Variants in SRCIN1 observed in about 807,000 individuals in gnomAD.
SRCIN1 encodes the protein P130Cas-associated protein.
Under a neutral mutation model 116.2 loss-of-function variants are expected in SRCIN1, and 50 were observed. The observed-to-expected ratio is 0.43, with a 90% CI of 0.34 to 0.54. The LOEUF is 0.54. Ranked by LOEUF, SRCIN1 falls within the 20% of genes least tolerant of loss-of-function variation. SRCIN1 has a pLI of 0.02. For missense variants in SRCIN1, 1,446 were observed against 1,672.0 expected (o/e 0.86, Z 2.36); for synonymous variants, 736 against 750.0 (o/e 0.98, Z 0.30).
chr17:38,540,740 GGT>G (rs151164930), intron 18 of SRCIN1, among the ~76,000 whole-genome samples: 11,329 of 145,914 alleles, frequency 0.078, 565 homozygotes, highest in African/African-American at 0.13. Context: ...AGCTGGCAGG[GGT>G]GTGTGTGTGT....
At chr17:38,564,355 C>A (rs1307452603) in intron 3 of SRCIN1, 42 bp from the exon 4 acceptor site, 16 of 1,400,992 alleles carry the variant, frequency 1.1e-5, no homozygotes, top group African/African-American at 4.2e-5. Flanking sequence ...AGGATGAGCA[C>A]CCCCCCTCCC....
chr17:38,577,843 C>G (rs542635923), intron 2 of SRCIN1, among the ~76,000 whole-genome samples: 1 of 152,280 alleles, frequency 6.6e-6, no homozygotes, highest in Admixed American at 6.5e-5. Context: ...GGTCTAGACA[C>G]AGGCGCTGTG....
intron 1 of SRCIN1, 70 bp from the exon 2 acceptor site, chr17:38,578,861 G>A: frequency 7.0e-7 from 1 of 1,422,554 alleles, no homozygotes; most frequent in Non-Finnish European, 9.2e-7. Context: ...CCCCCAAGGG[G>A]GTCCCTGCGG....
chr17:38,587,743 A>T (rs1299960857), intron 1 of SRCIN1, among the ~76,000 whole-genome samples: 3 of 152,150 alleles, frequency 2.0e-5, no homozygotes, highest in African/African-American at 7.2e-5. Context: ...CCCGGCCGAC[A>T]GGGAGAAAAG....
At chr17:38,559,162 G>T in intron 10 of SRCIN1, 1 of 208,098 alleles carries the variant, frequency 4.8e-6, no homozygotes, top group Non-Finnish European at 9.7e-6. Context: ...GAGACTGTTG[G>T]GGCTCAGGAG....
intron 1 of SRCIN1, among the ~76,000 whole-genome samples, chr17:38,597,175 T>G (rs1194770168): frequency 6.6e-6 from 1 of 152,204 alleles, no homozygotes; most frequent in Non-Finnish European, 1.5e-5. Context: ...AAACAGCTGT[T>G]GGGACACGGA....
At chr17:38,574,456 C>T (rs1907276720) in intron 2 of SRCIN1, among the ~76,000 whole-genome samples, 2 of 152,098 alleles carry the variant, frequency 1.3e-5, no homozygotes, top group Admixed American at 1.3e-4. Context: ...TGCAGAACTT[C>T]CTGATGGTGG....
At chr17:38,551,125 G>C (rs1221951238) in intron 15 of SRCIN1, 30 bp downstream of exon 15, 2 of 997,286 alleles carry the variant, frequency 2.0e-6, no homozygotes, top group South Asian at 3.3e-5. Context: ...CCCACGCTGG[G>C]CTCCTTACCA....
intron 17 of SRCIN1, chr17:38,545,010 C>T (rs552997099): frequency 3.6e-4 from 55 of 152,728 alleles, no homozygotes; most frequent in Non-Finnish European, 7.3e-4. Flanking sequence ...TGGCGCCCCA[C>T]GTGGTGCGGC....
rs1413103526 is a variant in SRCIN1, at chr17:38,562,219, C to A, written c.944G>T (p.Gly315Val). The A allele has an allele frequency of 4.2e-6, 6 of 1,440,876 alleles. No individual in the cohort carries two copies. The South Asian group carries it at 5.6e-5, about 14-fold the overall frequency. The allele number at this position is 1,440,876 out of a possible 1,614,324, so 89.3% of individuals were successfully genotyped here. The change falls in exon 7 of 19, where the codon GGG becomes GTG. Residue 315 changes from glycine (G) to valine (V), a missense_variant. Coordinates refer to ENST00000617146, the MANE Select transcript of SRCIN1 (RefSeq NM_025248.3). The surrounding 1 kb of genome is among the most constrained non-coding windows in gnomAD (Gnocchi z 4.2). ...SGSPPPGLPS[G>V]LPSGLQSGSP... is the part of the protein sequence containing the mutation. The stretch of plus-strand genomic sequence containing the variant: ...ACCGGACTGCAGCCCGGACGGCAGC[C>A]CCGACGGCAGCCCGGGCGGCGGCGA...
intron 1 of SRCIN1, among the ~76,000 whole-genome samples, chr17:38,603,563 G>GTCA (rs1474087071): frequency 6.6e-6 from 1 of 152,118 alleles, no homozygotes; most frequent in African/African-American, 2.4e-5. Flanking sequence ...CCAGCCTTGA[G>GTCA]GGTCATCACA....
intron 1 of SRCIN1, among the ~76,000 whole-genome samples, chr17:38,595,763 C>T (rs1908696530): frequency 6.6e-6 from 1 of 152,224 alleles, no homozygotes; most frequent in Non-Finnish European, 1.5e-5. Context: ...TCTCTTCACC[C>T]CAGCCCTAGC....
intron 1 of SRCIN1, among the ~76,000 whole-genome samples, chr17:38,597,102 C>T (rs922628030): frequency 6.6e-6 from 1 of 152,212 alleles, no homozygotes; most frequent in African/African-American, 2.4e-5. Context: ...TCTCAGAGCC[C>T]CCTGCCAATC....
Position 38,544,516 on chromosome 17 carries a change from C to T in SRCIN1, c.3271-547G>A, listed in dbSNP as rs150801755. ...CCGCGGGGCACTGGGGATCCAGAGG[C>T]GCAAGCAGAGAGATGACAGAGACAG... is the stretch of plus-strand genomic sequence containing the variant. On this transcript the variant is annotated intron_variant, in intron 17 of 18. Transcript: ENST00000617146. The surrounding 1 kb of genome is among the most constrained non-coding windows in gnomAD (Gnocchi z 4.5). The T allele has an allele frequency of 2.0e-5, 3 of 152,602 alleles. No individual in the cohort carries two copies. Among genetic ancestry groups the T allele is most frequent in the East Asian group, 1.9e-4 (1 of 5,170 alleles). 9.5% of individuals were successfully genotyped at this position (152,602 alleles called of 1,614,324 possible). A position where few individuals can be genotyped will look rare whatever the true frequency, so the allele number is the denominator to read the frequency against.
At chr17:38,550,433 G>A (rs1159520971) in intron 15 of SRCIN1, among the ~76,000 whole-genome samples, 1 of 152,172 alleles carries the variant, frequency 6.6e-6, no homozygotes, top group Non-Finnish European at 1.5e-5. Flanking sequence ...GGCGGAGCTT[G>A]TAGTGAGCCA....
At chr17:38,606,836 T>C (rs528634757), upstream of SRCIN1, among the ~76,000 whole-genome samples, 162 of 152,324 alleles carry the variant, frequency 1.1e-3, 1 homozygote, top group African/African-American at 3.7e-3. This position sits in a 1 kb window ranked among gnomAD's most constrained non-coding sequence, Gnocchi z 5.2. Flanking sequence ...CACCTCGTGA[T>C]TCCAGCGGCC....
chr17:38,558,816 A>G lies in SRCIN1; in HGVS notation c.2026-414T>C, dbSNP rs1331237153. Among the ~76,000 whole-genome samples the G allele has an allele frequency of 6.6e-6, 1 of 152,132 alleles. No individual in the cohort carries two copies. Among genetic ancestry groups the G allele is most frequent in the African/African-American group, 2.4e-5 (1 of 41,426 alleles). Reference sequence around the variant, plus strand: ...TATTTGCGGGACAGGGTGTAGCCCTATGTAGGTCCCTGCCGACAGTGCGGC... The same window carrying G: ...TATTTGCGGGACAGGGTGTAGCCCTGTGTAGGTCCCTGCCGACAGTGCGGC... On this transcript the variant is annotated intron_variant, in intron 10 of 18. Transcript: ENST00000617146. This position sits in a 1 kb window ranked among gnomAD's most constrained non-coding sequence, Gnocchi z 4.6.
chr17:38,567,184 C>T (rs1045532409), intron 3 of SRCIN1, among the ~76,000 whole-genome samples: 8 of 152,206 alleles, frequency 5.3e-5, no homozygotes, highest in African/African-American at 1.4e-4. Flanking sequence ...GGATTACAGG[C>T]GTGAGCCAGC....
intron 1 of SRCIN1, among the ~76,000 whole-genome samples, chr17:38,582,267 T>C (rs552398432): frequency 6.6e-6 from 1 of 152,210 alleles, no homozygotes; most frequent in Non-Finnish European, 1.5e-5. Context: ...GGGATCTCAG[T>C]GTGTCTGGGG....
Sources: gnomAD v4.1 joint callset for allele counts (sites outside exome capture counted in the v4.1 genomes callset) on GRCh38, gnomAD v4.1.1 for gene constraint, Gnocchi (gnomAD v3.1) non-coding constraint, MANE v1.5 for transcripts, NCBI Gene and HGNC (gene_info 2026-07-23, HGNC 2026-07-21) for gene names.